RALYL: variants seen among roughly 807,000 people sequenced by gnomAD.
RALYL encodes the protein RNA-binding Raly-like protein.
In RALYL, 29 loss-of-function variants were observed where a neutral mutation model predicts 35.1. That is an observed-to-expected ratio of 0.83 (90% CI 0.61 to 1.13). RALYL has a LOEUF of 1.13. Among genes scored for constraint, RALYL ranks in the 50% most tolerant of loss-of-function variants. RALYL has a pLI of 0.00. For missense variants in RALYL, 359 were observed against 360.4 expected, an observed-to-expected ratio of 1.00 and a Z score of 0.03; for synonymous variants, 120 against 127.6, an observed-to-expected ratio of 0.94 and a Z score of 0.40.
intron 2 of RALYL, among the ~76,000 whole-genome samples, chr8:84,712,964 T>C (rs1208553351): frequency 1.3e-5 from 2 of 152,150 alleles, no homozygotes; most frequent in African/African-American, 4.8e-5. Context: ...ATCTTTTTAG[T>C]TTGATGCAAT....
intron 2 of RALYL, among the ~76,000 whole-genome samples, chr8:84,548,262 A>G (rs1459360420): frequency 6.6e-6 from 1 of 151,814 alleles, no homozygotes; most frequent in African/African-American, 2.4e-5. Flanking sequence ...GTTTGTTCAC[A>G]TGTCTCTTCT....
chr8:84,223,430 A>C (rs1320138853), intron 1 of RALYL, among the ~76,000 whole-genome samples: 1 of 152,158 alleles, frequency 6.6e-6, no homozygotes. Context: ...GGTGGCACTT[A>C]GGGATGACAG....
intron 2 of RALYL, among the ~76,000 whole-genome samples, chr8:84,530,306 A>G (rs1212018490): frequency 6.6e-6 from 1 of 152,036 alleles, no homozygotes; most frequent in Non-Finnish European, 1.5e-5. Context: ...TCCTCAATTT[A>G]TGTTTCTTGT....
chr8:84,672,954 G>C (rs1833546026), intron 2 of RALYL, among the ~76,000 whole-genome samples: 1 of 152,148 alleles, frequency 6.6e-6, no homozygotes, highest in Admixed American at 6.6e-5. Flanking sequence ...AATCTACACT[G>C]TCTTCCACAA....
intron 4 of RALYL, among the ~76,000 whole-genome samples, chr8:84,841,744 AG>A (rs1342401387): frequency 6.6e-6 from 1 of 152,258 alleles, no homozygotes; most frequent in African/African-American, 2.4e-5. Flanking sequence ...CAAATGTAAA[AG>A]AACAGAAATT....
At chr8:84,735,872 A>G (rs2132955631) in intron 2 of RALYL, among the ~76,000 whole-genome samples, 1 of 150,944 alleles carries the variant, frequency 6.6e-6, no homozygotes, top group South Asian at 2.1e-4. Context: ...AGGTCCAGAG[A>G]TGTCATTCAG....
chr8:84,504,764 A>G (rs1011806053), intron 1 of RALYL, among the ~76,000 whole-genome samples: 4 of 152,128 alleles, frequency 2.6e-5, no homozygotes, highest in African/African-American at 4.8e-5. Context: ...TGGAGTGTTG[A>G]GACACACAGA....
intron 2 of RALYL, among the ~76,000 whole-genome samples, chr8:84,665,398 C>G (rs1485549518): frequency 6.6e-6 from 1 of 151,792 alleles, no homozygotes; most frequent in African/African-American, 2.4e-5. Context: ...GGAATTGTAC[C>G]AGCTCTTCTT....
chr8:84,576,288 A>G, intron 2 of RALYL, among the ~76,000 whole-genome samples: 1 of 152,220 alleles, frequency 6.6e-6, no homozygotes. Context: ...ACTGAACATA[A>G]GCATTACTGT....
At chr8:84,554,294 G>C (rs921738924) in intron 2 of RALYL, among the ~76,000 whole-genome samples, 1 of 152,032 alleles carries the variant, frequency 6.6e-6, no homozygotes, top group Non-Finnish European at 1.5e-5. Context: ...AACAATTTAC[G>C]GTAGTTCATT....
chr8:84,857,004 C>T (rs1837156892), intron 5 of RALYL, among the ~76,000 whole-genome samples: 1 of 129,506 alleles, frequency 7.7e-6, no homozygotes, highest in African/African-American at 2.9e-5. Context: ...GTCCGCAGTC[C>T]GGCCTGGGCG....
intron 1 of RALYL, among the ~76,000 whole-genome samples, chr8:84,489,710 T>A (rs2055046117): frequency 1.3e-5 from 2 of 152,056 alleles, no homozygotes; most frequent in East Asian, 3.9e-4. Context: ...AACACAGTTG[T>A]CAGGCTGACT....
At chr8:84,441,872 TG>T (rs1247803282) in intron 1 of RALYL, among the ~76,000 whole-genome samples, 1 of 152,134 alleles carries the variant, frequency 6.6e-6, no homozygotes, top group Non-Finnish European at 1.5e-5. Context: ...GGACTAGTAT[TG>T]GGGCATTTGT....
intron 1 of RALYL, among the ~76,000 whole-genome samples, chr8:84,487,296 A>T (rs1345818892): frequency 1.3e-5 from 2 of 152,176 alleles, no homozygotes; most frequent in Non-Finnish European, 2.9e-5. Flanking sequence ...AGTCGCCTGC[A>T]CCCTGTTGGA....
intron 8 of RALYL, among the ~76,000 whole-genome samples, chr8:84,919,778 G>T (rs772122719): frequency 1.3e-5 from 2 of 152,056 alleles, no homozygotes; most frequent in South Asian, 4.1e-4. Context: ...TATTAAGTGG[G>T]TATGTTTTGT....
intron 4 of RALYL, among the ~76,000 whole-genome samples, chr8:84,847,920 C>T (rs73299293): frequency 0.015 from 2,237 of 152,244 alleles, 39 homozygotes; most frequent in African/African-American, 0.051. Context: ...GCTCTTAGAT[C>T]AGGATTTTTC....
chr8:84,193,113 A>G (rs1814393969), intron 1 of RALYL, among the ~76,000 whole-genome samples: 1 of 152,144 alleles, frequency 6.6e-6, no homozygotes, highest in Non-Finnish European at 1.5e-5. Flanking sequence ...CAGAAGTCCA[A>G]TTGCCCATGT....
intron 1 of RALYL, among the ~76,000 whole-genome samples, chr8:84,344,357 G>A (rs1358087990): frequency 6.6e-6 from 1 of 151,906 alleles, no homozygotes; most frequent in East Asian, 1.9e-4. Context: ...TTTATTCAAG[G>A]AAGATTATTT....
intron 1 of RALYL, among the ~76,000 whole-genome samples, chr8:84,278,840 A>G (rs1471422869): frequency 6.6e-6 from 1 of 152,160 alleles, no homozygotes; most frequent in Non-Finnish European, 1.5e-5. Context: ...GGAAGTTACA[A>G]ACTTTCCCAC....
Sources: gnomAD v4.1 joint callset for allele counts (sites outside exome capture counted in the v4.1 genomes callset) on GRCh38, gnomAD v4.1.1 for gene constraint, MANE v1.5 for transcripts, NCBI Gene and HGNC (gene_info 2026-07-23, HGNC 2026-07-21) for gene names.